Variants in DGKI observed in about 807,000 individuals in gnomAD.
DGKI encodes diacylglycerol kinase iota.
In DGKI, 55 loss-of-function variants were observed where a neutral mutation model predicts 147.5. The ratio of observed to expected loss-of-function variants is 0.37; its 90% confidence interval spans 0.30 to 0.47. DGKI has a LOEUF of 0.47. Ranked by LOEUF, DGKI falls within the 20% of genes least tolerant of loss-of-function variation. DGKI has a pLI of 1.00. For synonymous variants in DGKI, 469 were observed against 477.1 expected (o/e 0.98, Z 0.22); for missense variants, 1,007 against 1,323.8 (o/e 0.76, Z 3.71).
intron 32 of DGKI, among the ~76,000 whole-genome samples, chr7:137,395,284 C>G (rs1313022390): frequency 1.3e-5 from 2 of 152,120 alleles, no homozygotes; most frequent in African/African-American, 4.8e-5. Context: ...TGGTCCTGAC[C>G]CCTCTCCTTG....
chr7:137,677,339 T>C (rs1415005784), intron 3 of DGKI, among the ~76,000 whole-genome samples: 1 of 152,224 alleles, frequency 6.6e-6, no homozygotes, highest in African/African-American at 2.4e-5. Flanking sequence ...GAGTTCTCAA[T>C]GTCACACACT....
intron 1 of DGKI, among the ~76,000 whole-genome samples, chr7:137,704,168 G>A (rs1793931993): frequency 6.6e-6 from 1 of 152,152 alleles, no homozygotes; most frequent in African/African-American, 2.4e-5. Context: ...CCAAGATTGT[G>A]CCACTGCACT....
At chr7:137,517,586 G>A (rs980580386) in intron 21 of DGKI, among the ~76,000 whole-genome samples, 18 of 152,100 alleles carry the variant, frequency 1.2e-4, no homozygotes, top group African/African-American at 4.1e-4. Context: ...CTTGACAAAC[G>A]CACCATGGTA....
Position 137,638,600 on chromosome 7 carries a change from A to ATG in DGKI, c.804+6870_804+6871dup, listed in dbSNP as rs1821479184. On this transcript the variant is annotated intron_variant, in intron 6 of 32. Coordinates refer to ENST00000614521, the MANE Select transcript of DGKI (RefSeq NM_001321708.2). ...TGTATATATACACATATATACATATATGTATATATATACACACACACATAT... is the reference window on the plus strand; with the variant it reads ...TGTATATATACACATATATACATATATGTGTATATATATACACACACACATAT... 1.3e-3 allele frequency among the ~76,000 whole-genome samples: 17 copies of ATG among 13,128 alleles called. 6 individuals carry two copies. The highest frequency in any genetic ancestry group is 4.6e-3 in the African/African-American group (13 of 2,806). The allele number at this position is 13,128 out of a possible 152,430, so 8.6% of individuals were successfully genotyped here.
chr7:137,501,608 AG>A (rs1215959049), intron 21 of DGKI, among the ~76,000 whole-genome samples: 2 of 152,186 alleles, frequency 1.3e-5, no homozygotes, highest in Non-Finnish European at 2.9e-5. Context: ...ACCGACTCTG[AG>A]GTTAAACTGC....
chr7:137,579,362 C>A (rs1196120596), intron 15 of DGKI, among the ~76,000 whole-genome samples: 1 of 147,288 alleles, frequency 6.8e-6, no homozygotes, highest in Non-Finnish European at 1.5e-5. Context: ...CCTGTTTTTT[C>A]TTCTATAGCT....
chr7:137,495,614 G>A lies in DGKI; in HGVS notation c.2249-7925C>T, dbSNP rs1191528151. ...CACATCAGAAAGCTAATCTACCATG[G>A]TCAAGTAGGCTTTATCCCTGCGATG... On this transcript the variant is annotated intron_variant, in intron 21 of 32. Coordinates refer to ENST00000614521, the MANE Select transcript of DGKI (RefSeq NM_001321708.2). Among the ~76,000 whole-genome samples the A allele has an allele frequency of 2.0e-5, 3 of 151,556 alleles. No homozygotes were observed. In the East Asian group the frequency reaches 5.8e-4, roughly 29 times the overall value.
intron 1 of DGKI, among the ~76,000 whole-genome samples, chr7:137,798,119 A>T (rs1000103243): frequency 6.6e-6 from 1 of 152,154 alleles, no homozygotes; most frequent in Non-Finnish European, 1.5e-5. Flanking sequence ...CTATAAAGAC[A>T]TAAACTACTG....
chr7:137,584,600 A>G (rs1819320629), intron 14 of DGKI, among the ~76,000 whole-genome samples: 1 of 152,222 alleles, frequency 6.6e-6, no homozygotes, highest in African/African-American at 2.4e-5. Flanking sequence ...TAACATGCTC[A>G]CTATCTGGGT....
chr7:137,616,694 A>G (rs1243656666), intron 8 of DGKI, among the ~76,000 whole-genome samples: 4 of 152,170 alleles, frequency 2.6e-5, no homozygotes, highest in Non-Finnish European at 4.4e-5. Context: ...ACGTATTGGA[A>G]AAACACATAA....
chr7:137,646,071 A>C (rs1365211656), intron 5 of DGKI, among the ~76,000 whole-genome samples: 2 of 152,234 alleles, frequency 1.3e-5, no homozygotes, highest in South Asian at 2.1e-4. Flanking sequence ...TAACTGAGGC[A>C]GGTAAAAGAA....
intron 6 of DGKI, among the ~76,000 whole-genome samples, chr7:137,625,424 C>T (rs59300765): frequency 6.6e-6 from 1 of 151,790 alleles, no homozygotes; most frequent in Non-Finnish European, 1.5e-5. Flanking sequence ...CGTGCTACTG[C>T]CCCCTAGCCT....
At chr7:137,791,280 T>G (rs2116926443) in intron 1 of DGKI, among the ~76,000 whole-genome samples, 1 of 152,318 alleles carries the variant, frequency 6.6e-6, no homozygotes, top group South Asian at 2.1e-4. Context: ...ATTTAATGGG[T>G]TTGCATTCTT....
chr7:137,469,419 A>C, intron 24 of DGKI, 131 bp downstream of exon 24: 1 of 831,758 alleles, frequency 1.2e-6, no homozygotes, highest in Non-Finnish European at 1.9e-6. Context: ...GCATGCCAAT[A>C]CCAGCCATGT....
Position 137,412,200 on chromosome 7 carries a change from C to A in DGKI, c.2769G>T (p.Leu923Phe). Residue 923 changes from leucine to phenylalanine, a missense_variant, in exon 29 of 33, where the codon TTG becomes TTT. By Grantham distance (22) the Leu-to-Phe change is conservative. This residue lies in a region of DGKI where 385 missense variants were observed against 445.2 expected (regional missense o/e 0.86). Transcript: ENST00000614521. ...SPVSSEDHAI[L>F]QAVIAGDLMK... is the part of the protein sequence containing the mutation. ...TAAGATCACCAGCTATTACTGCCTGCAAAATTGCTGTGAAAGACAAAAGAG... is the reference window on the plus strand; with the variant it reads ...TAAGATCACCAGCTATTACTGCCTGAAAAATTGCTGTGAAAGACAAAAGAG... The A allele has an allele frequency of 6.2e-7, 1 of 1,613,746 alleles. No homozygotes were observed. The highest frequency in any genetic ancestry group is 8.5e-7 in the Non-Finnish European group (1 of 1,179,704).
chr7:137,596,615 TTGCTG>T (rs2128987840), intron 12 of DGKI, among the ~76,000 whole-genome samples: 1 of 152,342 alleles, frequency 6.6e-6, no homozygotes, highest in African/African-American at 2.4e-5. Flanking sequence ...TTTGGCTTCT[TTGCTG>T]TAAGACATTA....
intron 2 of DGKI, among the ~76,000 whole-genome samples, chr7:137,681,368 A>G (rs1436201491): frequency 6.6e-6 from 1 of 152,220 alleles, no homozygotes; most frequent in Non-Finnish European, 1.5e-5. Flanking sequence ...TCAGACCCTA[A>G]AAGTTTTCAG....
At chr7:137,504,800 TAG>T (rs963035557) in intron 21 of DGKI, among the ~76,000 whole-genome samples, 1 of 152,044 alleles carries the variant, frequency 6.6e-6, no homozygotes, top group African/African-American at 2.4e-5. Flanking sequence ...GGAGAAAAGC[TAG>T]ATAAGCTTGG....
chr7:137,597,105 C>T (rs1397756678), intron 12 of DGKI, among the ~76,000 whole-genome samples: 1 of 152,044 alleles, frequency 6.6e-6, no homozygotes, highest in East Asian at 1.9e-4. Context: ...AACCTTCAGC[C>T]CAATTCCACC....
Sources: allele counts gnomAD v4.1 joint callset (sites outside exome capture counted in the v4.1 genomes callset), GRCh38; gene constraint gnomAD v4.1.1; regional missense constraint gnomAD v4.1.1; transcripts MANE v1.5; gene names NCBI Gene and HGNC (gene_info 2026-07-23, HGNC 2026-07-21).